Variants in GTSF1 observed in about 807,000 individuals in gnomAD.
GTSF1 encodes gametocyte-specific factor 1.
In GTSF1, 11 loss-of-function variants were observed where a neutral mutation model predicts 28.9. That is an observed-to-expected ratio of 0.38 (90% CI 0.24 to 0.63). GTSF1 has a LOEUF of 0.63. Among genes scored for constraint, GTSF1 ranks in the 30% least tolerant of loss-of-function variants. GTSF1 has a pLI of 0.56. For missense variants in GTSF1, 146 were observed against 201.0 expected, an observed-to-expected ratio of 0.73 and a Z score of 1.66; for synonymous variants, 69 against 65.6, an observed-to-expected ratio of 1.05 and a Z score of -0.25.
chr12:54,468,974 G>A (rs1480586170), intron 2 of GTSF1: 4 of 152,206 alleles, frequency 2.6e-5, no homozygotes, highest in East Asian at 1.9e-4. Context: ...TAACGAAGAA[G>A]TAAGAGACAG....
chr12:54,470,929 T>C (rs1049569105), intron 2 of GTSF1, among the ~76,000 whole-genome samples: 1 of 152,166 alleles, frequency 6.6e-6, no homozygotes, highest in Non-Finnish European at 1.5e-5. Context: ...TATATATTAC[T>C]CCTCAAAATA....
chr12:54,457,024 G>A (rs1445229528), intron 8 of GTSF1, among the ~76,000 whole-genome samples: 2 of 152,210 alleles, frequency 1.3e-5, no homozygotes, highest in Non-Finnish European at 2.9e-5. Flanking sequence ...GGTGGAGGTT[G>A]CAGTGAGCCG....
chr12:54,472,169 G>C (rs983940068), intron 1 of GTSF1: 1 of 152,218 alleles, frequency 6.6e-6, no homozygotes, highest in African/African-American at 2.4e-5. Context: ...CTAGGACCTG[G>C]AAATGCTGGA....
At chr12:54,471,359 G>T in intron 1 of GTSF1, 82 bp from the exon 2 acceptor site, 2 of 848,680 alleles carry the variant, frequency 2.4e-6, no homozygotes, top group Non-Finnish European at 3.6e-6. Flanking sequence ...GTCACTTCTG[G>T]ATTTGAAACT....
Position 54,459,539 on chromosome 12 carries a change from C to T in GTSF1, c.488-414G>A, listed in dbSNP as rs565832617. The T allele has an allele frequency of 7.7e-5, 73 of 946,604 alleles. No homozygotes were observed. The African/African-American group carries it at 9.1e-4, about 12-fold the overall frequency. 58.6% of individuals were successfully genotyped at this position (946,604 alleles called of 1,614,324 possible). A position where few individuals can be genotyped will look rare whatever the true frequency, so the allele number is the denominator to read the frequency against. ...TCTCTATGTGGAAATTTCATTATGA[C>T]GGTAATATGATACAAATTTAGTACT... On this transcript the variant is annotated intron_variant, in intron 7 of 8. Transcript: ENST00000305879.
chr12:54,473,120 C>A (rs772621613), intron 1 of GTSF1, among the ~76,000 whole-genome samples: 3 of 152,080 alleles, frequency 2.0e-5, no homozygotes, highest in Non-Finnish European at 4.4e-5. Context: ...GGATTCTTTA[C>A]CTTTTCCCTA....
At chr12:54,464,094 T>C (rs767361787) in intron 3 of GTSF1, among the ~76,000 whole-genome samples, 1 of 152,166 alleles carries the variant, frequency 6.6e-6, no homozygotes, top group African/African-American at 2.4e-5. Context: ...GAAAAATATA[T>C]AGGTGTGAGA....
intron 2 of GTSF1, among the ~76,000 whole-genome samples, chr12:54,466,444 A>G (rs1227306730): frequency 1.3e-5 from 2 of 152,234 alleles, no homozygotes; most frequent in Non-Finnish European, 2.9e-5. Flanking sequence ...GGTGACTTGA[A>G]GGACAGAATG....
chr12:54,457,308 C>T (rs1279559134), intron 8 of GTSF1, among the ~76,000 whole-genome samples: 2 of 152,168 alleles, frequency 1.3e-5, no homozygotes, highest in African/African-American at 4.8e-5. Context: ...ACAGAAATTT[C>T]TCCTAGATTT....
At chr12:54,461,524 A>G (rs1956422860) in intron 6 of GTSF1, among the ~76,000 whole-genome samples, 1 of 152,040 alleles carries the variant, frequency 6.6e-6, no homozygotes, top group African/African-American at 2.4e-5. Flanking sequence ...GTGGATCCCT[A>G]TAGTTCTTGC....
At chr12:54,460,638 C>A (rs1956406848) in intron 6 of GTSF1, among the ~76,000 whole-genome samples, 167 bp from the exon 7 acceptor site, 1 of 152,190 alleles carries the variant, frequency 6.6e-6, no homozygotes, top group South Asian at 2.1e-4. Flanking sequence ...AGAATGATTA[C>A]CACTTACTTC....
At chr12:54,472,806 ATT>A (rs1956607978) in intron 1 of GTSF1, among the ~76,000 whole-genome samples, 1 of 152,174 alleles carries the variant, frequency 6.6e-6, no homozygotes, top group Admixed American at 6.5e-5. Context: ...TCATTAGTGA[ATT>A]TGTCTTAAAA....
intron 3 of GTSF1, 119 bp downstream of exon 3, chr12:54,464,948 G>T: frequency 1.6e-6 from 1 of 614,296 alleles, no homozygotes; most frequent in Non-Finnish European, 2.9e-6. Context: ...TTTAAGAGAG[G>T]TAGATTCCCA....
intron 1 of GTSF1, among the ~76,000 whole-genome samples, chr12:54,473,326 G>A (rs1225770395): frequency 6.6e-6 from 1 of 152,120 alleles, no homozygotes; most frequent in Non-Finnish European, 1.5e-5. Context: ...AAGAGAAAGT[G>A]GGGGAGGTGG....
chr12:54,465,278 T>A (rs1050527010), intron 2 of GTSF1, 111 bp from the exon 3 acceptor site: 2 of 585,870 alleles, frequency 3.4e-6, no homozygotes, highest in Non-Finnish European at 6.1e-6. Context: ...TAGAACAATA[T>A]AGTCTAAAGA....
intron 1 of GTSF1, chr12:54,471,921 G>C (rs1203164041): frequency 1.9e-5 from 3 of 153,926 alleles, no homozygotes; most frequent in Non-Finnish European, 4.3e-5. Flanking sequence ...ACTTAGCCAG[G>C]CATGGGGGCT....
At chr12:54,457,629 G>GTACAGACTAGCCACTCT (rs1454466645) in intron 8 of GTSF1, among the ~76,000 whole-genome samples, 1 of 152,114 alleles carries the variant, frequency 6.6e-6, no homozygotes, top group Non-Finnish European at 1.5e-5. Flanking sequence ...GCTAAGGCTA[G>GTACAGACTAGCCACTCT]AGTACAGTGG....
intron 6 of GTSF1, among the ~76,000 whole-genome samples, 164 bp downstream of exon 6, chr12:54,461,944 GA>G (rs1020999855): frequency 3.3e-5 from 5 of 152,094 alleles, no homozygotes; most frequent in Non-Finnish European, 2.9e-5. Flanking sequence ...TGACCTTTTT[GA>G]ATCAAGGAAT....
chr12:54,472,026 A>T (rs986534406), intron 1 of GTSF1: 6 of 152,236 alleles, frequency 3.9e-5, no homozygotes, highest in African/African-American at 1.4e-4. Context: ...TGGCCTGGAC[A>T]ATGGAGTGAG....
Sources: gnomAD v4.1 joint callset for allele counts (sites outside exome capture counted in the v4.1 genomes callset) on GRCh38, gnomAD v4.1.1 for gene constraint, MANE v1.5 for transcripts, NCBI Gene and HGNC (gene_info 2026-07-23, HGNC 2026-07-21) for gene names.